PKHD1: variants seen among roughly 807,000 people sequenced by gnomAD.
The protein encoded by PKHD1 is fibrocystin.
Under a neutral mutation model 412.0 loss-of-function variants are expected in PKHD1, and 291 were observed. That is an observed-to-expected ratio of 0.71 (90% CI 0.64 to 0.78). PKHD1 has a LOEUF of 0.78. PKHD1 is among the 30% of genes least tolerant of loss of function. The probability of loss-of-function intolerance (pLI) is 0.00; values close to 1 mark genes in which losing one functional copy is unlikely to be tolerated. For synonymous variants in PKHD1, 1,777 were observed against 1,821.5 expected (o/e 0.98, Z 0.62); for missense variants, 4,825 against 4,950.7 (o/e 0.97, Z 0.76).
intron 55 of PKHD1, among the ~76,000 whole-genome samples, chr6:51,763,343 G>C (rs1462743235): frequency 6.6e-6 from 1 of 152,016 alleles, no homozygotes; most frequent in Non-Finnish European, 1.5e-5. Flanking sequence ...CCAAATAAAT[G>C]GTAGCTAGTT....
At chr6:51,816,196 A>G (rs1178076745) in intron 52 of PKHD1, among the ~76,000 whole-genome samples, 1 of 152,224 alleles carries the variant, frequency 6.6e-6, no homozygotes, top group African/African-American at 2.4e-5. Context: ...AACATAGAAA[A>G]AGAAAATTTT....
chr6:51,634,983 G>A (rs1292040101), intron 64 of PKHD1, among the ~76,000 whole-genome samples: 1 of 152,134 alleles, frequency 6.6e-6, no homozygotes, highest in East Asian at 1.9e-4. Flanking sequence ...AGTACAATGA[G>A]TGGCACAATT....
intron 12 of PKHD1, 118 bp from the exon 13 acceptor site, chr6:52,065,168 TAGAG>T (rs70977326): frequency 1.5e-3 from 47 of 31,696 alleles, no homozygotes; most frequent in South Asian, 3.6e-3. Context: ...TATATATATA[TAGAG>T]AGAGAGAGAG....
intron 31 of PKHD1, among the ~76,000 whole-genome samples, chr6:52,027,352 T>G (rs1802353212): frequency 6.6e-6 from 1 of 151,476 alleles, no homozygotes; most frequent in African/African-American, 2.4e-5. Context: ...GCCAACATGG[T>G]GAAACCCCAT....
chr6:52,061,086 TGAAA>T (rs1219688655), intron 14 of PKHD1, among the ~76,000 whole-genome samples: 1 of 152,218 alleles, frequency 6.6e-6, no homozygotes, highest in Non-Finnish European at 1.5e-5. Flanking sequence ...CAAATGCAGC[TGAAA>T]GATTTTCCTT....
At chr6:51,656,426 T>G (rs1288827128) in intron 61 of PKHD1, among the ~76,000 whole-genome samples, 1 of 152,002 alleles carries the variant, frequency 6.6e-6, no homozygotes, top group Non-Finnish European at 1.5e-5. Context: ...GGTTGATAGG[T>G]GCAGCAAACC....
chr6:52,020,611 G>A (rs189731558), intron 33 of PKHD1, among the ~76,000 whole-genome samples: 3 of 152,284 alleles, frequency 2.0e-5, no homozygotes, highest in Admixed American at 2.0e-4. Flanking sequence ...TGCTGCCATA[G>A]AGGAACTAAG....
chr6:51,713,886 GT>G (rs1468677854), intron 60 of PKHD1, among the ~76,000 whole-genome samples: 1 of 152,150 alleles, frequency 6.6e-6, no homozygotes, highest in African/African-American at 2.4e-5. Context: ...GCTGAGCAAA[GT>G]GGAACCCTCT....
chr6:51,941,479 TCTCCTGAC>T (rs1478445278), intron 36 of PKHD1, among the ~76,000 whole-genome samples: 1 of 150,296 alleles, frequency 6.7e-6, no homozygotes, highest in Non-Finnish European at 1.5e-5. Flanking sequence ...ATGGTCTCGA[TCTCCTGAC>T]CTCATGATCC....
chr6:51,975,552 A>G (rs943983738), intron 35 of PKHD1: 1 of 151,798 alleles, frequency 6.6e-6, no homozygotes, highest in African/African-American at 2.4e-5. Flanking sequence ...GATGTTCAAC[A>G]TCACTAATTA....
intron 60 of PKHD1, among the ~76,000 whole-genome samples, chr6:51,717,321 A>C (rs927087462): frequency 6.6e-6 from 1 of 151,896 alleles, no homozygotes; most frequent in Non-Finnish European, 1.5e-5. Flanking sequence ...CTGAGGGAGA[A>C]GGATTTCTTG....
At chr6:51,703,068 A>C (rs564476911) in intron 60 of PKHD1, among the ~76,000 whole-genome samples, 16 of 152,122 alleles carry the variant, frequency 1.1e-4, no homozygotes, top group African/African-American at 3.6e-4. Context: ...TGTGTGCTGC[A>C]ATAAATGTCT....
chr6:51,960,563 A>G (rs1458473388), intron 35 of PKHD1, among the ~76,000 whole-genome samples: 1 of 152,152 alleles, frequency 6.6e-6, no homozygotes, highest in Non-Finnish European at 1.5e-5. Context: ...CCTGTTTTAT[A>G]GGAACATTCC....
intron 35 of PKHD1, among the ~76,000 whole-genome samples, chr6:51,989,921 A>AGGG (rs1796730686): frequency 9.3e-6 from 1 of 107,120 alleles, no homozygotes; most frequent in African/African-American, 3.5e-5. Flanking sequence ...GGAAGGAAGG[A>AGGG]AGGAAGGAAG....
chr6:51,970,925 C>T (rs905016294), intron 35 of PKHD1, among the ~76,000 whole-genome samples: 1 of 152,126 alleles, frequency 6.6e-6, no homozygotes, highest in Admixed American at 6.5e-5. Flanking sequence ...ATTGCTTTGG[C>T]TAGTTGGGCA....
At chr6:51,799,414 T>A (rs10948647) in intron 52 of PKHD1, among the ~76,000 whole-genome samples, 27,986 of 152,122 alleles carry the variant, frequency 0.18, 3,394 homozygotes, top group Non-Finnish European at 0.27. Flanking sequence ...CACCATCAGA[T>A]GAAAACAGGT....
chr6:51,969,271 C>A (rs1196054432), intron 35 of PKHD1, among the ~76,000 whole-genome samples: 1 of 152,182 alleles, frequency 6.6e-6, no homozygotes, highest in African/African-American at 2.4e-5. Context: ...AATGAATTGA[C>A]TTTCACTGAC....
intron 63 of PKHD1, among the ~76,000 whole-genome samples, chr6:51,641,901 G>A (rs575606377): frequency 6.6e-6 from 1 of 152,122 alleles, no homozygotes; most frequent in Non-Finnish European, 1.5e-5. Context: ...GTCAGGGAGT[G>A]GGGAGCAAGG....
intron 60 of PKHD1, among the ~76,000 whole-genome samples, chr6:51,671,707 G>T (rs1420623719): frequency 6.6e-6 from 1 of 152,132 alleles, no homozygotes; most frequent in Non-Finnish European, 1.5e-5. Flanking sequence ...TGATGATGGT[G>T]ATGTACAGAT....
Sources: gnomAD v4.1 joint callset for allele counts (sites outside exome capture counted in the v4.1 genomes callset) on GRCh38, gnomAD v4.1.1 for gene constraint, MANE v1.5 for transcripts, NCBI Gene and HGNC (gene_info 2026-07-23, HGNC 2026-07-21) for gene names.